Variants in MED13L observed in about 807,000 individuals in gnomAD.
The protein encoded by MED13L is mediator of RNA polymerase II transcription subunit 13-like.
In MED13L, 7 loss-of-function variants were observed where a neutral mutation model predicts 220.9. The observed-to-expected ratio is 0.03, with a 90% CI of 0.02 to 0.06. The LOEUF (loss-of-function observed/expected upper bound fraction) is 0.06, where lower values mean the gene tolerates loss of function less well. Ranked by LOEUF, MED13L falls within the 10% of genes least tolerant of loss-of-function variation. MED13L has a pLI of 1.00. For synonymous variants in MED13L, 1,011 were observed against 1,015.2 expected, an observed-to-expected ratio of 1.00 and a Z score of 0.08; for missense variants, 1,965 against 2,760.5, an observed-to-expected ratio of 0.71 and a Z score of 6.46.
In MED13L at chr12:115,991,136, G is replaced by T. The variant is rs775807063; in HGVS notation, c.3818C>A (p.Thr1273Lys). The T allele has an allele frequency of 1.2e-6, 2 of 1,614,112 alleles. No individual in the cohort carries two copies. The highest frequency in any genetic ancestry group is 1.7e-6 in the Non-Finnish European group (2 of 1,180,016). ...CTGCTCCAACGCATTAAAGCATTCC[G>T]TCCAGTAATCATTATTATCTGCTTG... ...RVQADNNDYW[T>K]ECFNALEQGR... The change falls in exon 17 of 31, where the codon ACG (threonine) becomes AAG (lysine). Residue 1273 changes from threonine (T) to lysine (K), a missense_variant. Physicochemically the swap from Thr to Lys is moderately conservative, Grantham distance 78 (BLOSUM62 -1). Transcript: ENST00000281928. The surrounding 1 kb of genome is among the most constrained non-coding windows in gnomAD (Gnocchi z 7.7).
intron 2 of MED13L, among the ~76,000 whole-genome samples, chr12:116,141,731 G>A (rs1380079895): frequency 6.6e-6 from 1 of 152,024 alleles, no homozygotes; most frequent in African/African-American, 2.4e-5. Context: ...CTGCTTCTGT[G>A]CTGGCTCTCC....
rs775221277 is a variant in MED13L, at chr12:115,991,954, G to A, written c.3000C>T (p.Asn1000=). The change falls in exon 17 of 31, where the codon AAC becomes AAT. Residue 1000 remains asparagine, a synonymous_variant. Transcript: ENST00000281928. The surrounding 1 kb of genome is among the most constrained non-coding windows in gnomAD (Gnocchi z 7.7). The part of the protein sequence containing the change: ...AATFIRDGYN[N]VPSVGSLADP... ...CTGCTAGGCTCCCAACACTAGGCAC[G>A]TTACTACAAAAAGAGAAGGCACCAA... is the stretch of plus-strand genomic sequence containing the variant. 35 of 1,598,770 alleles carry A rather than the reference G, an allele frequency of 2.2e-5. No individual in the cohort carries two copies. Among genetic ancestry groups the A allele is most frequent in the Non-Finnish European group, 3.0e-5 (35 of 1,179,524 alleles).
intron 1 of MED13L, among the ~76,000 whole-genome samples, chr12:116,254,805 T>C (rs1451316279): frequency 2.0e-5 from 3 of 152,010 alleles, no homozygotes; most frequent in Admixed American, 6.6e-5. Context: ...TAAAACAGCA[T>C]TGAAAAACAC....
chr12:116,143,627 C>A (rs529915801), intron 2 of MED13L, among the ~76,000 whole-genome samples: 1 of 152,242 alleles, frequency 6.6e-6, no homozygotes, highest in East Asian at 1.9e-4. Context: ...TCTGGGACTC[C>A]CTTCTAAAAT....
chr12:116,235,468 C>T (rs1869992647), intron 2 of MED13L, among the ~76,000 whole-genome samples: 1 of 152,080 alleles, frequency 6.6e-6, no homozygotes, highest in Admixed American at 6.5e-5. Context: ...ACACATAAAA[C>T]ATCTAAAACT....
At chr12:116,261,512 C>T (rs1368689331) in intron 1 of MED13L, among the ~76,000 whole-genome samples, 1 of 145,944 alleles carries the variant, frequency 6.9e-6, no homozygotes. Flanking sequence ...AAAAAAAAAA[C>T]TCTGGAAACA....
chr12:115,964,447 TAA>T (rs1359560863), intron 29 of MED13L, among the ~76,000 whole-genome samples: 5 of 152,214 alleles, frequency 3.3e-5, no homozygotes, highest in Admixed American at 2.0e-4. Context: ...ACATCCATCA[TAA>T]AGTTCCTCAT....
At chr12:116,032,761 A>G (rs1880930771) in intron 4 of MED13L, among the ~76,000 whole-genome samples, 2 of 152,134 alleles carry the variant, frequency 1.3e-5, no homozygotes, top group South Asian at 4.1e-4. Context: ...CTGATACACT[A>G]ACCACAGTGC....
intron 1 of MED13L, among the ~76,000 whole-genome samples, chr12:116,274,995 A>G (rs1023784525): frequency 7.9e-5 from 12 of 151,912 alleles, no homozygotes; most frequent in Admixed American, 6.5e-4. Context: ...AAGCTTTAAA[A>G]AAAAAAAAAA....
At chr12:116,151,450 A>C (rs563330753) in intron 2 of MED13L, among the ~76,000 whole-genome samples, 4 of 152,326 alleles carry the variant, frequency 2.6e-5, no homozygotes, top group African/African-American at 9.6e-5. Context: ...TAGGACAGAG[A>C]TTTAACAATA....
chr12:116,008,546 G>T lies in MED13L; in HGVS notation c.1867C>A (p.Pro623Thr). 1.2e-6 allele frequency: 2 copies of T among 1,613,946 alleles called. No individual in the cohort carries two copies. The highest frequency in any genetic ancestry group is 1.7e-6 in the Non-Finnish European group (2 of 1,179,972). The change falls in exon 10 of 31, where the codon CCC becomes ACC. Residue 623 changes from proline (P) to threonine (T), a missense_variant. Physicochemically the swap from Pro to Thr is conservative, Grantham distance 38. Coordinates refer to ENST00000281928, the MANE Select transcript of MED13L (RefSeq NM_015335.5). The part of the protein sequence containing the change: ...SETALYCGIR[P>T]SNPESSEKWW... ...TTTTCTGATGACTCCGGGTTCGAGG[G>T]CCTAATCCCACAATATAAGGCTGTC... is the stretch of plus-strand genomic sequence containing the variant.
At chr12:115,961,740 T>TG (rs925334295) in intron 30 of MED13L, among the ~76,000 whole-genome samples, 1 of 152,014 alleles carries the variant, frequency 6.6e-6, no homozygotes, top group African/African-American at 2.4e-5. Flanking sequence ...GAGGCCGAGG[T>TG]GGGGGTGGAT....
At chr12:116,128,967 A>G (rs1389085520) in intron 2 of MED13L, among the ~76,000 whole-genome samples, 1 of 152,134 alleles carries the variant, frequency 6.6e-6, no homozygotes, top group Non-Finnish European at 1.5e-5. Flanking sequence ...AAAAAATAAA[A>G]GTGGAAAAAT....
At chr12:115,982,671 G>A (rs1436093328) in intron 21 of MED13L, 68 bp from the exon 22 acceptor site, 4 of 1,333,506 alleles carry the variant, frequency 3.0e-6, no homozygotes, top group Non-Finnish European at 4.3e-6. Flanking sequence ...AAAACAAAAG[G>A]GCTCAATTCT....
intron 17 of MED13L, among the ~76,000 whole-genome samples, chr12:115,987,490 T>G (rs1284684606): frequency 6.6e-6 from 1 of 152,098 alleles, no homozygotes; most frequent in South Asian, 2.1e-4. Flanking sequence ...GTATCAACAA[T>G]AATAAAAGGG....
chr12:116,007,093 G>T, intron 11 of MED13L: 1 of 367,878 alleles, frequency 2.7e-6, no homozygotes, highest in Non-Finnish European at 5.1e-6. Flanking sequence ...TGGGTAGTTC[G>T]GAATAATATT....
intron 23 of MED13L, among the ~76,000 whole-genome samples, chr12:115,976,040 C>T (rs1325907959): frequency 1.3e-5 from 2 of 152,066 alleles, no homozygotes. Context: ...ATTGAAACTA[C>T]AATGAGATAA....
intron 11 of MED13L, among the ~76,000 whole-genome samples, 188 bp from the exon 12 acceptor site, chr12:116,006,599 G>C (rs1174250867): frequency 3.3e-5 from 5 of 152,322 alleles, no homozygotes; most frequent in African/African-American, 1.2e-4. Context: ...AGAACCATGA[G>C]CTCCCCACTT....
chr12:115,963,380 T>A (rs760312937), intron 30 of MED13L, 27 bp downstream of exon 30: 1 of 1,496,648 alleles, frequency 6.7e-7, no homozygotes, highest in South Asian at 1.1e-5. Context: ...CAAATTGCAC[T>A]GCTATGATGC....
Sources: gnomAD v4.1 joint callset for allele counts (sites outside exome capture counted in the v4.1 genomes callset) on GRCh38, gnomAD v4.1.1 for gene constraint, Gnocchi (gnomAD v3.1) non-coding constraint, MANE v1.5 for transcripts, NCBI Gene and HGNC (gene_info 2026-07-23, HGNC 2026-07-21) for gene names.